Variants in AHSG observed in about 807,000 individuals in gnomAD.
AHSG encodes alpha-2-HS-glycoprotein.
A neutral mutation model predicts 30.1 loss-of-function variants in AHSG; 23 were observed. That is an observed-to-expected ratio of 0.76 (90% confidence interval 0.55 to 1.08). AHSG has a LOEUF of 1.08. Ranked by LOEUF, AHSG falls within the 50% of genes least tolerant of loss-of-function variation. The probability of loss-of-function intolerance (pLI) is 0.00; values close to 1 mark genes in which losing one functional copy is unlikely to be tolerated. For synonymous variants in AHSG, 164 were observed against 186.3 expected, an observed-to-expected ratio of 0.88 and a Z score of 0.98; for missense variants, 469 against 459.5, an observed-to-expected ratio of 1.02 and a Z score of -0.19.
intron 1 of AHSG, 40 bp from the exon 2 acceptor site, chr3:186,615,645 G>A (rs201869594): frequency 6.4e-7 from 1 of 1,550,640 alleles, no homozygotes; most frequent in Non-Finnish European, 8.9e-7. Context: ...ACAGGATCAG[G>A]GGAATAGGTT....
chr3:186,621,173 C>T lies in AHSG; in HGVS notation c.*243C>T. The T allele has an allele frequency of 5.9e-6, 3 of 510,616 alleles. No individual in the cohort carries two copies. In the South Asian group the frequency reaches 8.0e-5, roughly 14 times the overall value. 31.6% of individuals were successfully genotyped at this position (510,616 alleles called of 1,614,324 possible). A position where few individuals can be genotyped will look rare whatever the true frequency, so the allele number is the denominator to read the frequency against. ...ACTTGTCATGATTTTGACGGTAAGC[C>T]ACCATGATTGTGTTCTCTGCCTCTG... is the stretch of plus-strand genomic sequence containing the variant. On this transcript the variant is annotated 3_prime_UTR_variant, in exon 7 of 7. Transcript: ENST00000411641.
Position 186,620,961 on chromosome 3 carries a change from C to A in AHSG, c.*31C>A. On this transcript the variant is annotated 3_prime_UTR_variant, in exon 7 of 7. Transcript: ENST00000411641. ...ACATGGCAGAGATGAGGAGGTTTGG[C>A]ACAGAAAACATAGCCACCATTTTGT... 1 of 1,586,380 alleles carries A rather than the reference C, an allele frequency of 6.3e-7. No individual in the cohort carries two copies. Among genetic ancestry groups the A allele is most frequent in the Non-Finnish European group, 8.6e-7 (1 of 1,159,746 alleles).
At position 186,618,557 on chromosome 3, in the gene AHSG, G is replaced by C. The variant is rs754707768; in HGVS notation, c.595G>C (p.Val199Leu). The change falls in exon 5 of 7, where the codon GTG becomes CTG. Residue 199 changes from valine to leucine, a missense_variant. Transcript: ENST00000411641. ...TCAGCCCCTCCCACCTTCTACCTAT[G>C]TGGAGTTTACAGTGTCTGGCACTGA... Reference protein sequence around the residue: ...QLVPLPPSTYVEFTVSGTDCV... With the variant: ...QLVPLPPSTYLEFTVSGTDCV... 9 of 1,614,018 alleles carry C rather than the reference G, an allele frequency of 5.6e-6. No individual in the cohort carries two copies. Among genetic ancestry groups the C allele is most frequent in the Non-Finnish European group, 6.8e-6 (8 of 1,179,918 alleles).
Position 186,620,615 on chromosome 3 carries a change from T to A in AHSG, c.789T>A (p.Gly263=). The A allele has an allele frequency of 1.2e-6, 2 of 1,606,390 alleles. No individual in the cohort carries two copies. Among genetic ancestry groups the A allele is most frequent in the Non-Finnish European group, 8.5e-7 (1 of 1,173,708 alleles). Residue 263 remains glycine, a synonymous_variant, in exon 7 of 7, where the codon GGT becomes GGA. Coordinates refer to ENST00000411641, the MANE Select transcript of AHSG (RefSeq NM_001622.4). ...QPVSSQPQPE[G]ANEAVPTPVV... ...TGAGCTCACAGCCCCAACCAGAAGGTGCCAATGAAGCAGTCCCCACACCCG... is the reference window on the plus strand; with the variant it reads ...TGAGCTCACAGCCCCAACCAGAAGGAGCCAATGAAGCAGTCCCCACACCCG...
Position 186,617,237 on chromosome 3 carries a change from C to G in AHSG, c.460C>G (p.Pro154Ala). 6.2e-7 allele frequency: 1 copy of G among 1,614,108 alleles called. No individual in the cohort carries two copies. The highest frequency in any genetic ancestry group is 8.5e-7 in the Non-Finnish European group (1 of 1,180,024). Reference sequence around the variant, plus strand: ...GTGCCAAGACTGCCCCCTGCTGGCCCCGCTGAACGACACCAGGGTGGTGCA... The same window carrying G: ...GTGCCAAGACTGCCCCCTGCTGGCCGCGCTGAACGACACCAGGGTGGTGCA... ...KVCQDCPLLA[P>A]LNDTRVVHAA... Residue 154 changes from proline to alanine, a missense_variant, in exon 4 of 7, where the codon CCG becomes GCG. Transcript: ENST00000411641.
intron 4 of AHSG, 111 bp downstream of exon 4, chr3:186,617,461 G>C: frequency 7.0e-6 from 11 of 1,573,118 alleles, no homozygotes; most frequent in Non-Finnish European, 8.7e-6. Context: ...GCAGCGATGA[G>C]AAAGCAAGGA....
At chr3:186,616,264 T>C (rs369222557) in intron 2 of AHSG, among the ~76,000 whole-genome samples, 179 bp from the exon 3 acceptor site, 17 of 152,352 alleles carry the variant, frequency 1.1e-4, no homozygotes, top group African/African-American at 4.1e-4. Context: ...GCCCTGGGGC[T>C]GATTTTTACA....
intron 4 of AHSG, chr3:186,617,606 T>A: frequency 1.6e-6 from 1 of 609,232 alleles, no homozygotes; most frequent in Non-Finnish European, 2.8e-6. Context: ...TGCCGGCAGG[T>A]ACATCCCCAC....
At position 186,613,113 on chromosome 3, in the gene AHSG, A is replaced by G; in HGVS notation, c.-29A>G. ...GGTCCCGAAGCCTCCAACCACCTGCACGCCTGCCAGGGCCTCTCTGGGGCA... is the reference window on the plus strand; with the variant it reads ...GGTCCCGAAGCCTCCAACCACCTGCGCGCCTGCCAGGGCCTCTCTGGGGCA... On this transcript the variant is annotated 5_prime_UTR_variant, in exon 1 of 7. Coordinates refer to ENST00000411641, the MANE Select transcript of AHSG (RefSeq NM_001622.4). 2 of 1,611,302 alleles carry G rather than the reference A, an allele frequency of 1.2e-6. No homozygotes were observed. The highest frequency in any genetic ancestry group is 1.7e-6 in the Non-Finnish European group (2 of 1,178,140).
intron 2 of AHSG, 59 bp downstream of exon 2, chr3:186,615,854 C>A: frequency 6.8e-7 from 1 of 1,473,500 alleles, no homozygotes. Flanking sequence ...ACCGATTCAC[C>A]CAGCGTCTCA....
chr3:186,620,541 G>A (rs748396677), intron 6 of AHSG, 45 bp from the exon 7 acceptor site: 1 of 1,523,606 alleles, frequency 6.6e-7, no homozygotes. Flanking sequence ...TGTCTTGCCT[G>A]GGAGGAGGAA....
chr3:186,617,451 G>A (rs1200874998), intron 4 of AHSG, 101 bp downstream of exon 4: 14 of 1,591,386 alleles, frequency 8.8e-6, no homozygotes, highest in Non-Finnish European at 1.1e-5. Flanking sequence ...AGGCGCAGGG[G>A]CAGCGATGAG....
At position 186,620,845 on chromosome 3, in the gene AHSG, G is replaced by C. The variant is rs77385737; in HGVS notation, c.1019G>C (p.Arg340Pro). ...SGEVSHPRKT[R>P]TVVQPSVGAA... ...GAAGTGTCGCACCCCCGGAAAACAC[G>C]CACAGTGGTGCAGCCTAGTGTTGGT... Residue 340 changes from arginine (R) to proline (P), a missense_variant, in exon 7 of 7, where the codon CGC becomes CCC. Transcript: ENST00000411641. 3.1e-6 allele frequency: 5 copies of C among 1,614,170 alleles called. No individual in the cohort carries two copies. The highest frequency in any genetic ancestry group is 4.2e-6 in the Non-Finnish European group (5 of 1,180,046).
chr3:186,613,800 T>C (rs1350946445), intron 1 of AHSG, among the ~76,000 whole-genome samples: 1 of 152,094 alleles, frequency 6.6e-6, no homozygotes. Context: ...TTCACATAGA[T>C]TATCTCATTT....
In AHSG at chr3:186,613,093, C is replaced by T. The variant is rs759771156; in HGVS notation, c.-49C>T. 16 of 1,586,006 alleles carry T rather than the reference C, an allele frequency of 1.0e-5. No homozygotes were observed. Among genetic ancestry groups the T allele is most frequent in the Admixed American group, 3.4e-5 (2 of 58,568 alleles). ...CCCAGCAGAGCACCTGGGTTGGTCCCGAAGCCTCCAACCACCTGCACGCCT... is the reference window on the plus strand; with the variant it reads ...CCCAGCAGAGCACCTGGGTTGGTCCTGAAGCCTCCAACCACCTGCACGCCT... On this transcript the variant is annotated 5_prime_UTR_variant, in exon 1 of 7. Transcript: ENST00000411641.
chr3:186,616,057 G>T (rs1416145155), intron 2 of AHSG, among the ~76,000 whole-genome samples: 1 of 152,162 alleles, frequency 6.6e-6, no homozygotes, highest in African/African-American at 2.4e-5. Flanking sequence ...TTAGCTGGAC[G>T]TGGTGACGGG....
At chr3:186,617,068 G>A in intron 3 of AHSG, 119 bp from the exon 4 acceptor site, 1 of 1,508,774 alleles carries the variant, frequency 6.6e-7, no homozygotes, top group South Asian at 1.4e-5. Flanking sequence ...GGTTTAGTAA[G>A]AAGCAGAGAA....
Position 186,619,725 on chromosome 3 carries a change from C to T in AHSG, c.676-132C>T. On this transcript the variant is annotated intron_variant, in intron 5 of 6. Coordinates refer to ENST00000411641, the MANE Select transcript of AHSG (RefSeq NM_001622.4). ...TCCATGTTATATATAGAATCATATA[C>T]CTCCCACAAGCAGAAACTATAACTT... 14 of 640,718 alleles carry T rather than the reference C, an allele frequency of 2.2e-5. No homozygotes were observed. The South Asian group carries it at 2.7e-4, about 12-fold the overall frequency. The allele number at this position is 640,718 out of a possible 1,614,324, so 39.7% of individuals were successfully genotyped here.
intron 5 of AHSG, among the ~76,000 whole-genome samples, chr3:186,619,274 G>A (rs934684588): frequency 2.6e-5 from 4 of 152,074 alleles, no homozygotes; most frequent in African/African-American, 9.7e-5. Flanking sequence ...TCCAGCCTGG[G>A]CAACAGAACG....
Sources: allele counts gnomAD v4.1 joint callset (sites outside exome capture counted in the v4.1 genomes callset), GRCh38; gene constraint gnomAD v4.1.1; transcripts MANE v1.5; gene names NCBI Gene and HGNC (gene_info 2026-07-23, HGNC 2026-07-21).